Variants in CA10 observed in about 807,000 individuals in gnomAD.
CA10 encodes the protein carbonic anhydrase-related protein 10.
In CA10, 14 loss-of-function variants were observed where a neutral mutation model predicts 44.2. The observed-to-expected ratio is 0.32, with a 90% CI of 0.21 to 0.50. CA10 has a LOEUF of 0.50. CA10 is among the 20% of genes least tolerant of loss of function. The probability of loss-of-function intolerance (pLI) is 0.99; values close to 1 mark genes in which losing one functional copy is unlikely to be tolerated. For synonymous variants in CA10, 159 were observed against 141.6 expected, an observed-to-expected ratio of 1.12 and a Z score of -0.87; for missense variants, 350 against 409.7, an observed-to-expected ratio of 0.85 and a Z score of 1.26.
chr17:51,714,950 A>G (rs1916052319), intron 4 of CA10, among the ~76,000 whole-genome samples: 1 of 152,204 alleles, frequency 6.6e-6, no homozygotes, highest in African/African-American at 2.4e-5. Context: ...TCAGTACTTT[A>G]TAAGAATTCT....
chr17:51,807,968 A>G (rs1488884198), intron 3 of CA10, among the ~76,000 whole-genome samples: 1 of 152,216 alleles, frequency 6.6e-6, no homozygotes. Context: ...ATATCCTCTT[A>G]AGATCTGTGT....
intron 6 of CA10, among the ~76,000 whole-genome samples, chr17:51,642,273 A>G (rs1913120744): frequency 6.6e-6 from 1 of 152,190 alleles, no homozygotes; most frequent in Non-Finnish European, 1.5e-5. Context: ...ATGAAAGTAC[A>G]AGTTCAATTA....
intron 2 of CA10, among the ~76,000 whole-genome samples, chr17:52,025,946 A>AAT (rs758192764): frequency 1.3e-5 from 2 of 151,968 alleles, no homozygotes; most frequent in African/African-American, 4.8e-5. Context: ...CAAACATAGA[A>AAT]ATATATATAT....
intron 2 of CA10, among the ~76,000 whole-genome samples, chr17:51,991,721 A>G (rs979911093): frequency 2.0e-5 from 3 of 152,154 alleles, no homozygotes; most frequent in South Asian, 2.1e-4. Context: ...AGGCAGGAGA[A>G]TCACTTGAAC....
intron 3 of CA10, among the ~76,000 whole-genome samples, chr17:51,813,419 G>T (rs894606704): frequency 2.6e-4 from 39 of 152,218 alleles, no homozygotes; most frequent in Non-Finnish European, 5.4e-4. Flanking sequence ...GCTGTAAGGG[G>T]CCACGCCTGT....
At chr17:52,095,646 T>G (rs1051941352) in intron 1 of CA10, among the ~76,000 whole-genome samples, 1 of 152,160 alleles carries the variant, frequency 6.6e-6, no homozygotes, top group African/African-American at 2.4e-5. Flanking sequence ...AAGATTCCCT[T>G]TATCAGATAA....
chr17:51,876,535 C>T lies in CA10; in HGVS notation c.279+54455G>A, dbSNP rs569732243. On this transcript the variant is annotated intron_variant, in intron 3 of 8. Transcript: ENST00000451037. ...CCACCTTGAATTTAAAGTGGAATAA[C>T]CCTTTGTTGTGGGGAATGTCCTGTG... Among the ~76,000 whole-genome samples the T allele has an allele frequency of 6.2e-4, 94 of 151,978 alleles. 2 individuals are homozygous for T. In the South Asian group the frequency reaches 0.018, roughly 30 times the overall value.
intron 3 of CA10, among the ~76,000 whole-genome samples, chr17:51,914,547 A>C (rs557581429): frequency 6.6e-6 from 1 of 152,292 alleles, no homozygotes; most frequent in South Asian, 2.1e-4. Flanking sequence ...AAATACGTAT[A>C]GTGCTAGAGC....
chr17:51,712,743 G>A (rs1915980375), intron 4 of CA10, among the ~76,000 whole-genome samples: 1 of 152,212 alleles, frequency 6.6e-6, no homozygotes, highest in South Asian at 2.1e-4. Flanking sequence ...GAAAGATAGT[G>A]AGTTGCAAAT....
intron 4 of CA10, among the ~76,000 whole-genome samples, chr17:51,669,552 G>A (rs1480816306): frequency 6.6e-6 from 1 of 152,114 alleles, no homozygotes; most frequent in African/African-American, 2.4e-5. Flanking sequence ...CTCACTCTTT[G>A]GGTCCATGCC....
intron 3 of CA10, among the ~76,000 whole-genome samples, chr17:51,856,590 GTTTAC>G (rs1979055848): frequency 6.6e-6 from 1 of 152,064 alleles, no homozygotes; most frequent in Admixed American, 6.6e-5. Flanking sequence ...ACAAACCAGC[GTTTAC>G]TTATTTATTT....
At chr17:51,966,932 G>A (rs985949376) in intron 2 of CA10, among the ~76,000 whole-genome samples, 1 of 151,788 alleles carries the variant, frequency 6.6e-6, no homozygotes, top group African/African-American at 2.4e-5. Flanking sequence ...CCTACAGAAT[G>A]GGAGAAAATA....
intron 2 of CA10, among the ~76,000 whole-genome samples, chr17:52,070,799 A>G (rs1411200361): frequency 2.0e-5 from 3 of 152,206 alleles, no homozygotes; most frequent in African/African-American, 4.8e-5. Flanking sequence ...AAAACATCGA[A>G]AAATGTGAGG....
intron 3 of CA10, among the ~76,000 whole-genome samples, chr17:51,880,736 G>T (rs919408950): frequency 6.6e-6 from 1 of 151,564 alleles, no homozygotes; most frequent in Non-Finnish European, 1.5e-5. Flanking sequence ...TGGCATATCT[G>T]GTAAGTTTCA....
Position 51,899,680 on chromosome 17 carries a change from C to A in CA10, c.279+31310G>T, listed in dbSNP as rs148153103. Among the ~76,000 whole-genome samples, 189 of 152,232 alleles carry A rather than the reference C, an allele frequency of 1.2e-3. 4 individuals carry two copies. The South Asian group carries it at 0.022, about 18-fold the overall frequency. On this transcript the variant is annotated intron_variant, in intron 3 of 8. Coordinates refer to ENST00000451037, the MANE Select transcript of CA10 (RefSeq NM_020178.5). ...TCTCCTACTATTGTTGTATGGTAAT[C>A]TAAGTCTCTTTTAGGTCTCTAAGAA...
intron 4 of CA10, among the ~76,000 whole-genome samples, chr17:51,665,741 G>A (rs760560605): frequency 6.6e-6 from 1 of 152,178 alleles, no homozygotes; most frequent in Non-Finnish European, 1.5e-5. Flanking sequence ...GTATCTAAAC[G>A]TAGAAAAGGC....
At chr17:52,089,690 A>T (rs1052982095) in intron 1 of CA10, among the ~76,000 whole-genome samples, 8 of 152,184 alleles carry the variant, frequency 5.3e-5, no homozygotes, top group African/African-American at 1.9e-4. Flanking sequence ...CTAGTAAACA[A>T]TAGAACAGTG....
intron 3 of CA10, among the ~76,000 whole-genome samples, chr17:51,929,884 A>G (rs1982582968): frequency 6.6e-6 from 1 of 152,200 alleles, no homozygotes; most frequent in Admixed American, 6.5e-5. Flanking sequence ...GTCATATTTA[A>G]AACAGTACAC....
chr17:51,714,116 T>G (rs1916024406), intron 4 of CA10, among the ~76,000 whole-genome samples: 1 of 152,204 alleles, frequency 6.6e-6, no homozygotes, highest in Non-Finnish European at 1.5e-5. Flanking sequence ...TGTGCTGGTA[T>G]AAGCACTGAC....
Sources: allele counts gnomAD v4.1 joint callset (sites outside exome capture counted in the v4.1 genomes callset), GRCh38; gene constraint gnomAD v4.1.1; transcripts MANE v1.5; gene names NCBI Gene and HGNC (gene_info 2026-07-23, HGNC 2026-07-21).